The following ANKS1B variants were observed in gnomAD, a reference collection of about 807,000 sequenced individuals.
ANKS1B encodes the protein ankyrin repeat and sterile alpha motif domain containing 1B.
A neutral mutation model predicts 148.3 loss-of-function variants in ANKS1B; 36 were observed. That is an observed-to-expected ratio of 0.24 (90% CI 0.19 to 0.32). The LOEUF (loss-of-function observed/expected upper bound fraction) is 0.32, where lower values mean the gene tolerates loss of function less well. Among genes scored for constraint, ANKS1B ranks in the 10% least tolerant of loss-of-function variants. The pLI, the probability that ANKS1B is intolerant of heterozygous loss-of-function variation, is 1.00. For missense variants in ANKS1B, 1,157 were observed against 1,542.6 expected, an observed-to-expected ratio of 0.75 and a Z score of 4.19; for synonymous variants, 542 against 560.8, an observed-to-expected ratio of 0.97 and a Z score of 0.47.
At chr12:99,327,384 A>G (rs1405614488) in intron 12 of ANKS1B, among the ~76,000 whole-genome samples, 1 of 132,170 alleles carries the variant, frequency 7.6e-6, no homozygotes, top group Non-Finnish European at 1.6e-5. Context: ...ATATATAATT[A>G]TATATTATAA....
intron 12 of ANKS1B, chr12:99,341,253 T>G (rs1007585638): frequency 6.6e-6 from 1 of 152,146 alleles, no homozygotes; most frequent in Non-Finnish European, 1.5e-5. Context: ...CTTTAGCTAT[T>G]TGGAGCAGAA....
At chr12:98,967,751 T>TAAAAAA (rs544792811) in intron 17 of ANKS1B, among the ~76,000 whole-genome samples, 3 of 81,346 alleles carry the variant, frequency 3.7e-5, no homozygotes, top group South Asian at 3.5e-4. Context: ...CAGACAAATC[T>TAAAAAA]AAAAAAAAAA....
rs957079204 is a variant in ANKS1B at position 98,814,014 on chromosome 12, G to T, written c.3067-6096C>A. On this transcript the variant is annotated intron_variant, in intron 19 of 26. Coordinates refer to ENST00000683438, the MANE Select transcript of ANKS1B (RefSeq NM_001352186.2). ...TCCTGCCTCAACCTCTTGAGTAGCT[G>T]GCATTACAGATGCCTGCCACCACAT... 3.9e-5 allele frequency among the ~76,000 whole-genome samples: 6 copies of T among 152,104 alleles called. 1 individual carries two copies. Among genetic ancestry groups the T allele is most frequent in the East Asian group, 1.9e-4 (1 of 5,154 alleles).
chr12:99,349,696 A>G (rs1028675750), intron 12 of ANKS1B, among the ~76,000 whole-genome samples: 2 of 152,040 alleles, frequency 1.3e-5, no homozygotes, highest in Admixed American at 6.6e-5. Context: ...TTTGACAGAA[A>G]TGAAGGCAGA....
Position 98,903,873 on chromosome 12 carries a change from A to G in ANKS1B, c.2779-71737T>C, listed in dbSNP as rs558443986. Among the ~76,000 whole-genome samples the G allele has an allele frequency of 2.2e-3, 328 of 152,246 alleles. 2 individuals carry two copies. The highest frequency in any genetic ancestry group is 3.7e-3 in the Non-Finnish European group (249 of 68,016). On this transcript the variant is annotated intron_variant, in intron 17 of 26. Transcript: ENST00000683438. ...TCCAGTGATAGGGAGCTCATTACCA[A>G]CTGAAGAAGCCCATCCATCTTTGAG...
intron 22 of ANKS1B, 105 bp downstream of exon 22, chr12:98,798,829 A>C (rs2098975470): frequency 1.1e-6 from 1 of 899,044 alleles, no homozygotes; most frequent in Admixed American, 2.7e-5. Flanking sequence ...GTGATTCAGC[A>C]GACCAACAGA....
At chr12:99,843,113 G>T (rs1197863859) in intron 1 of ANKS1B, among the ~76,000 whole-genome samples, 1 of 152,062 alleles carries the variant, frequency 6.6e-6, no homozygotes, top group Non-Finnish European at 1.5e-5. Flanking sequence ...TGCATAACGT[G>T]CAGGCTTGTT....
intron 12 of ANKS1B, among the ~76,000 whole-genome samples, chr12:99,321,532 C>T (rs1244137692): frequency 1.3e-5 from 2 of 152,222 alleles, no homozygotes; most frequent in Admixed American, 6.5e-5. Context: ...TACTGGTGTG[C>T]TGTTTGCTAA....
chr12:99,568,062 G>A (rs2097415874), intron 9 of ANKS1B, among the ~76,000 whole-genome samples: 1 of 152,158 alleles, frequency 6.6e-6, no homozygotes, highest in Non-Finnish European at 1.5e-5. Flanking sequence ...TCTTATTGCT[G>A]CTGTAACAAA....
Position 99,782,101 on chromosome 12 carries a change from GAAA to G in ANKS1B, c.670-7_670-5del. 1.4e-6 allele frequency: 2 copies of G among 1,401,806 alleles called. No individual in the cohort carries two copies. The highest frequency in any genetic ancestry group is 1.5e-5 in the African/African-American group (1 of 68,090). 86.8% of individuals were successfully genotyped at this position (1,401,806 alleles called of 1,614,324 possible). ...GAAGTGCACTCCCCTTTTCTGTCTG[GAAA>G]AAAAAAAGTAAGAAAAAAGAAAGCA... On this transcript the variant is annotated splice_region_variant and splice_polypyrimidine_tract_variant and intron_variant, in intron 4 of 26. Coordinates refer to ENST00000683438, the MANE Select transcript of ANKS1B (RefSeq NM_001352186.2).
At chr12:99,098,243 T>A (rs2056853122) in intron 15 of ANKS1B, among the ~76,000 whole-genome samples, 1 of 152,184 alleles carries the variant, frequency 6.6e-6, no homozygotes, top group Non-Finnish European at 1.5e-5. Context: ...GGTGTTGGAA[T>A]CAAATTCCCC....
At chr12:99,213,044 C>T (rs182201292) in intron 14 of ANKS1B, among the ~76,000 whole-genome samples, 231 of 152,316 alleles carry the variant, frequency 1.5e-3, no homozygotes, top group African/African-American at 5.1e-3. Flanking sequence ...TTCCTACCAT[C>T]CCACATTCCT....
At chr12:99,465,152 A>C (rs1411828254) in intron 10 of ANKS1B, among the ~76,000 whole-genome samples, 3 of 152,230 alleles carry the variant, frequency 2.0e-5, no homozygotes, top group Admixed American at 6.5e-5. Context: ...ATTCTTAAAG[A>C]AAAGAATTTT....
intron 25 of ANKS1B, among the ~76,000 whole-genome samples, chr12:98,760,551 C>T (rs1342564549): frequency 6.6e-6 from 1 of 152,184 alleles, no homozygotes; most frequent in Non-Finnish European, 1.5e-5. Flanking sequence ...GGGCTGGGAA[C>T]TACTTTCCAG....
intron 17 of ANKS1B, among the ~76,000 whole-genome samples, chr12:98,931,047 G>C (rs1277450670): frequency 2.6e-5 from 4 of 152,034 alleles, no homozygotes; most frequent in African/African-American, 7.2e-5. Context: ...GACATTTCAG[G>C]AATGGCTTTT....
chr12:98,954,876 T>C (rs565304260), intron 17 of ANKS1B, among the ~76,000 whole-genome samples: 9 of 152,282 alleles, frequency 5.9e-5, no homozygotes, highest in South Asian at 4.1e-4. Flanking sequence ...ATTTTGTATA[T>C]ACTCGATAAT....
At chr12:99,150,104 G>C (rs1005227637) in intron 15 of ANKS1B, among the ~76,000 whole-genome samples, 1 of 152,162 alleles carries the variant, frequency 6.6e-6, no homozygotes, top group African/African-American at 2.4e-5. Flanking sequence ...GCATGAATGA[G>C]TGAAGGGTAC....
intron 9 of ANKS1B, among the ~76,000 whole-genome samples, chr12:99,528,460 A>G (rs1038794093): frequency 1.3e-5 from 2 of 151,772 alleles, no homozygotes; most frequent in Non-Finnish European, 2.9e-5. Context: ...AAAAACCATC[A>G]ACAGAGTAAA....
At chr12:99,170,596 C>T (rs946521310) in intron 14 of ANKS1B, among the ~76,000 whole-genome samples, 6 of 152,152 alleles carry the variant, frequency 3.9e-5, no homozygotes, top group African/African-American at 1.2e-4. Context: ...TTCAGTCCCT[C>T]GACCAAGAGA....
Sources: gnomAD v4.1 joint callset for allele counts (sites outside exome capture counted in the v4.1 genomes callset) on GRCh38, gnomAD v4.1.1 for gene constraint, MANE v1.5 for transcripts, NCBI Gene and HGNC (gene_info 2026-07-23, HGNC 2026-07-21) for gene names.